ACCSL: variants seen among roughly 807,000 people sequenced by gnomAD.
The protein encoded by ACCSL is 1-aminocyclopropane-1-carboxylate synthase homolog (inactive) like, also known as probable inactive 1-aminocyclopropane-1-carboxylate synthase-like protein 2.
In ACCSL, 55 loss-of-function variants were observed where a neutral mutation model predicts 61.7. The ratio of observed to expected loss-of-function variants is 0.89; its 90% CI spans 0.72 to 1.12. ACCSL has a LOEUF of 1.12. Ranked by LOEUF, ACCSL falls within the 50% of genes most tolerant of loss-of-function variation. ACCSL has a pLI of 0.00. For missense variants in ACCSL, 632 were observed against 698.0 expected (o/e 0.91, Z 1.07); for synonymous variants, 258 against 264.3 (o/e 0.98, Z 0.23).
rs1432343767 is a variant in ACCSL, at chr11:44,056,301, G to T, written c.1302G>T (p.Lys434Asn). Residue 434 changes from lysine to asparagine, a missense_variant, in exon 11 of 14, where the codon AAG (lysine) becomes AAT (asparagine). Coordinates refer to ENST00000378832, the MANE Select transcript of ACCSL (RefSeq NM_001031854.2). ...GTATTTCTGGCATCACCCAGCACAAGCTGTGTCAACTGCTCCAGAACACAG... is the reference window on the plus strand; with the variant it reads ...GTATTTCTGGCATCACCCAGCACAATCTGTGTCAACTGCTCCAGAACACAG... Reference protein sequence around the residue: ...LHSISGITQHKLCQLLQNTEW... With the variant: ...LHSISGITQHNLCQLLQNTEW... The T allele has an allele frequency of 4.3e-6, 7 of 1,613,934 alleles. No homozygotes were observed. In the East Asian group the frequency reaches 1.6e-4, roughly 36 times the overall value.
At chr11:44,023,199 A>G in the ACCSL span, among the ~76,000 whole-genome samples, 1 of 151,836 alleles carries the variant, frequency 6.6e-6, no homozygotes, top group African/African-American at 2.4e-5. Context: ...CTACAGGTGC[A>G]CACCACCATG....
At chr11:44,029,273 C>T in the ACCSL span, among the ~76,000 whole-genome samples, 1 of 152,272 alleles carries the variant, frequency 6.6e-6, no homozygotes, top group South Asian at 2.1e-4. Context: ...GAGTACTCCC[C>T]TCCAGCCATC....
the ACCSL span, chr11:43,944,980 G>T: frequency 6.6e-6 from 1 of 152,666 alleles, no homozygotes. Flanking sequence ...GGAATCTCTA[G>T]GAGATACCCA....
chr11:43,967,384 G>A, the ACCSL span, among the ~76,000 whole-genome samples: 1 of 151,382 alleles, frequency 6.6e-6, no homozygotes, highest in Non-Finnish European at 1.5e-5. Context: ...TCACCATGTT[G>A]GCAGGTCTGG....
the ACCSL span, chr11:43,942,975 GC>G: frequency 6.7e-7 from 1 of 1,499,322 alleles, no homozygotes. Context: ...CACTTCGTGT[GC>G]CTGGCCGACG....
chr11:43,954,765 AG>A, the ACCSL span, among the ~76,000 whole-genome samples: 2 of 152,018 alleles, frequency 1.3e-5, no homozygotes, highest in African/African-American at 4.8e-5. Flanking sequence ...TGTATTTTTT[AG>A]TAGAGACGGG....
the ACCSL span, among the ~76,000 whole-genome samples, chr11:43,923,729 T>C: frequency 6.6e-6 from 1 of 152,218 alleles, no homozygotes; most frequent in South Asian, 2.1e-4. Context: ...GAGCCCCATG[T>C]TGGGCTGAGC....
chr11:43,993,290 A>G, the ACCSL span, among the ~76,000 whole-genome samples: 1 of 152,030 alleles, frequency 6.6e-6, no homozygotes, highest in Non-Finnish European at 1.5e-5. Flanking sequence ...CGTGCATCCC[A>G]TGGGGTCGGG....
chr11:44,049,199 C>G (rs556532688), intron 1 of ACCSL, among the ~76,000 whole-genome samples: 1 of 151,968 alleles, frequency 6.6e-6, no homozygotes, highest in African/African-American at 2.4e-5. Context: ...GTTGGTGGAT[C>G]GCTCAAGTCC....
At chr11:43,971,025 T>G in the ACCSL span, among the ~76,000 whole-genome samples, 1 of 152,138 alleles carries the variant, frequency 6.6e-6, no homozygotes, top group African/African-American at 2.4e-5. Flanking sequence ...CTATTAGATG[T>G]TAAGTTCTTA....
chr11:44,053,150 TC>T (rs1952650361), intron 7 of ACCSL, 82 bp downstream of exon 7: 2 of 1,277,980 alleles, frequency 1.6e-6, no homozygotes, highest in East Asian at 4.7e-5. Context: ...TACTGCTTAT[TC>T]ACCAAGACCT....
At chr11:43,955,268 C>G in the ACCSL span, among the ~76,000 whole-genome samples, 1 of 152,140 alleles carries the variant, frequency 6.6e-6, no homozygotes, top group Non-Finnish European at 1.5e-5. Context: ...CTGTCTTATT[C>G]CATTTGTGCT....
chr11:44,018,728 G>A, the ACCSL span, among the ~76,000 whole-genome samples: 2 of 152,256 alleles, frequency 1.3e-5, no homozygotes, highest in East Asian at 3.9e-4. Context: ...AGCACATTGG[G>A]AGGCCAAGGT....
At chr11:43,978,299 T>G in the ACCSL span, among the ~76,000 whole-genome samples, 2 of 152,128 alleles carry the variant, frequency 1.3e-5, no homozygotes, top group Admixed American at 1.3e-4. Context: ...CATGAGCCAC[T>G]GTGCCTGGCC....
the ACCSL span, among the ~76,000 whole-genome samples, chr11:44,006,526 G>T: frequency 7.3e-6 from 1 of 137,502 alleles, no homozygotes. Context: ...TTTTTTTTGA[G>T]GCAGAGTCTC....
chr11:43,937,162 G>A, the ACCSL span, among the ~76,000 whole-genome samples: 35 of 152,214 alleles, frequency 2.3e-4, no homozygotes, highest in Non-Finnish European at 2.6e-4. Flanking sequence ...CGTGGAAGCA[G>A]GGCACATGTG....
chr11:43,944,911 G>C, the ACCSL span: 1 of 152,876 alleles, frequency 6.5e-6, no homozygotes, highest in African/African-American at 2.4e-5. Flanking sequence ...CTCCTGCTCC[G>C]GTTGCGGCGT....
chr11:44,056,467 AG>A (rs1199229445), intron 11 of ACCSL, 141 bp downstream of exon 11: 3 of 1,202,176 alleles, frequency 2.5e-6, no homozygotes, highest in Non-Finnish European at 2.3e-6. Flanking sequence ...GTAAGATGTG[AG>A]GTTTGAAGGA....
At chr11:43,965,505 A>G in the ACCSL span, among the ~76,000 whole-genome samples, 8 of 152,206 alleles carry the variant, frequency 5.3e-5, no homozygotes, top group Non-Finnish European at 7.3e-5. Flanking sequence ...GAGATTTACT[A>G]TTGTTAAGAT....
Sources: allele counts gnomAD v4.1 joint callset (sites outside exome capture counted in the v4.1 genomes callset), GRCh38; gene constraint gnomAD v4.1.1; transcripts MANE v1.5; gene names NCBI Gene and HGNC (gene_info 2026-07-23, HGNC 2026-07-21).